The following ETNK1 variants were observed in gnomAD, a reference collection of about 807,000 sequenced individuals.
ETNK1 encodes the protein ethanolamine kinase 1, also known as putative protein product of Nbla10396.
ETNK1 carries 8 observed loss-of-function variants against 45.1 expected under a neutral mutation model. The observed-to-expected ratio is 0.18, with a 90% confidence interval of 0.10 to 0.32. The LOEUF (loss-of-function observed/expected upper bound fraction) is 0.32, where lower values mean the gene tolerates loss of function less well. Among genes scored for constraint, ETNK1 ranks in the 10% least tolerant of loss-of-function variants. The pLI, the probability that ETNK1 is intolerant of heterozygous loss-of-function variation, is 1.00. For synonymous variants in ETNK1, 152 were observed against 151.9 expected, an observed-to-expected ratio of 1.00 and a Z score of -0.01; for missense variants, 302 against 430.6, an observed-to-expected ratio of 0.70 and a Z score of 2.64.
At chr12:22,635,749 AT>A (rs1483129708) in intron 1 of ETNK1, among the ~76,000 whole-genome samples, 2 of 152,048 alleles carry the variant, frequency 1.3e-5, no homozygotes, top group Non-Finnish European at 2.9e-5. Context: ...AACCGGTTTT[AT>A]TTGGTGTGTG....
At chr12:22,639,595 T>C (rs1953708134) in intron 1 of ETNK1, among the ~76,000 whole-genome samples, 1 of 151,972 alleles carries the variant, frequency 6.6e-6, no homozygotes, top group African/African-American at 2.4e-5. Flanking sequence ...GAGAGTCACT[T>C]GAACCTGGGG....
chr12:22,652,549 A>G (rs146327753), intron 2 of ETNK1, among the ~76,000 whole-genome samples: 394 of 152,270 alleles, frequency 2.6e-3, no homozygotes, highest in Non-Finnish European at 4.6e-3. Context: ...ATTCTAATGG[A>G]TATGAGGTGG....
rs181367012 is a variant in ETNK1, at chr12:22,684,981, G to C, written c.*27G>C. ...GAAGAGATTTAATTATTCTCCAGTA[G>C]CTGAGCAATGCTTGTGAATCTTTTC... On this transcript the variant is annotated 3_prime_UTR_variant, in exon 8 of 8. Transcript: ENST00000266517. The C allele has an allele frequency of 5.5e-5, 80 of 1,457,780 alleles. No individual in the cohort carries two copies. The highest frequency in any genetic ancestry group is 2.7e-4 in the Admixed American group (13 of 47,310). 90.3% of individuals were successfully genotyped at this position (1,457,780 alleles called of 1,614,324 possible).
At position 22,671,493 on chromosome 12, in the gene ETNK1, A is replaced by C. The variant is rs556034827; in HGVS notation, c.784+138A>C. ...TGACCGTTTTTCTTTGCTTTTGTTTATCACTGGAAGAAAGCAGAGATGACC... is the reference window on the plus strand; with the variant it reads ...TGACCGTTTTTCTTTGCTTTTGTTTCTCACTGGAAGAAAGCAGAGATGACC... On this transcript the variant is annotated intron_variant, in intron 5 of 7. Transcript: ENST00000266517. 256 of 664,564 alleles carry C rather than the reference A, an allele frequency of 3.9e-4. 2 individuals carry two copies. In the African/African-American group the frequency reaches 4.3e-3, roughly 11 times the overall value. The allele number at this position is 664,564 out of a possible 1,614,324, so 41.2% of individuals were successfully genotyped here.
intron 5 of ETNK1, among the ~76,000 whole-genome samples, chr12:22,673,044 C>G (rs1402731253): frequency 6.6e-6 from 1 of 151,898 alleles, no homozygotes; most frequent in African/African-American, 2.4e-5. Flanking sequence ...TGCAGTGAGC[C>G]GAAATCATGC....
At chr12:22,672,585 C>T (rs1280604034) in intron 5 of ETNK1, among the ~76,000 whole-genome samples, 1 of 151,994 alleles carries the variant, frequency 6.6e-6, no homozygotes, top group African/African-American at 2.4e-5. Flanking sequence ...CGGCCACTGC[C>T]GTGGATATGA....
intron 2 of ETNK1, 76 bp from the exon 3 acceptor site, chr12:22,658,938 A>G (rs2137554463): frequency 6.8e-7 from 1 of 1,465,374 alleles, no homozygotes; most frequent in Non-Finnish European, 9.2e-7. Flanking sequence ...CTAAAGTTTC[A>G]TCAAGAATCT....
At chr12:22,649,890 A>G (rs959225045) in intron 2 of ETNK1, among the ~76,000 whole-genome samples, 44 of 152,102 alleles carry the variant, frequency 2.9e-4, no homozygotes, top group African/African-American at 1.1e-3. Context: ...TGTATATCAA[A>G]TTGGGAAGAA....
intron 4 of ETNK1, among the ~76,000 whole-genome samples, chr12:22,662,586 T>C (rs963648644): frequency 2.0e-5 from 3 of 151,864 alleles, no homozygotes; most frequent in African/African-American, 7.3e-5. Flanking sequence ...TTTGTGGAGA[T>C]GGAATCTTGC....
At chr12:22,638,839 T>C (rs578196492) in intron 1 of ETNK1, 2 of 152,182 alleles carry the variant, frequency 1.3e-5, no homozygotes, top group African/African-American at 2.4e-5. Context: ...TTAACCCCTT[T>C]AAAGTATTTT....
At chr12:22,635,497 G>A (rs1227073340) in intron 1 of ETNK1, among the ~76,000 whole-genome samples, 2 of 152,196 alleles carry the variant, frequency 1.3e-5, no homozygotes, top group Non-Finnish European at 1.5e-5. Flanking sequence ...TGGTGACTAT[G>A]ATACCAAGAT....
intron 4 of ETNK1, among the ~76,000 whole-genome samples, chr12:22,662,461 C>T (rs941658948): frequency 6.8e-5 from 10 of 146,448 alleles, no homozygotes; most frequent in African/African-American, 2.0e-4. Context: ...GTGGTGTAAT[C>T]ATGGCTCACT....
At chr12:22,659,190 ATTGCT>A in intron 3 of ETNK1, 36 bp downstream of exon 3, 1 of 1,585,432 alleles carries the variant, frequency 6.3e-7, no homozygotes, top group Non-Finnish European at 8.6e-7. Flanking sequence ...TATGTTTTAC[ATTGCT>A]TTGCTCTATG....
At chr12:22,677,407 CT>C (rs1209216332) in intron 6 of ETNK1, among the ~76,000 whole-genome samples, 3 of 152,196 alleles carry the variant, frequency 2.0e-5, no homozygotes, top group Admixed American at 6.5e-5. Flanking sequence ...GTTTTGATTA[CT>C]GTAGCCTTGT....
chr12:22,648,829 A>G (rs1171376852), intron 2 of ETNK1, among the ~76,000 whole-genome samples: 1 of 152,082 alleles, frequency 6.6e-6, no homozygotes, highest in Non-Finnish European at 1.5e-5. Context: ...GCTATTTTAC[A>G]TTTCCACTAG....
rs1400264466 is a variant in ETNK1, at chr12:22,687,221, G to A, written c.*2267G>A. ...CTCCTACTTCCTGTATAGGTTTTTG[G>A]GATCATGGTGCAGGCTAGTAATAGG... is the stretch of plus-strand genomic sequence containing the variant. On this transcript the variant is annotated 3_prime_UTR_variant, in exon 8 of 8. Transcript: ENST00000266517. 3 of 151,978 alleles carry A rather than the reference G, an allele frequency of 2.0e-5. No individual in the cohort carries two copies. The highest frequency in any genetic ancestry group is 3.0e-5 in the Non-Finnish European group (2 of 67,724). 9.4% of individuals were successfully genotyped at this position (151,978 alleles called of 1,614,324 possible). A position where few individuals can be genotyped will look rare whatever the true frequency, so the allele number is the denominator to read the frequency against.
At chr12:22,684,201 T>C (rs2137580356) in intron 6 of ETNK1, among the ~76,000 whole-genome samples, 1 of 152,264 alleles carries the variant, frequency 6.6e-6, no homozygotes, top group South Asian at 2.1e-4. Flanking sequence ...TCAGTGCTGA[T>C]GGTAAACTTT....
At chr12:22,665,799 A>G (rs1056520563) in intron 4 of ETNK1, among the ~76,000 whole-genome samples, 34 of 152,110 alleles carry the variant, frequency 2.2e-4, no homozygotes, top group African/African-American at 7.7e-4. Flanking sequence ...AATGGTTACT[A>G]TAGGCTAGAT....
chr12:22,687,272 C>T lies in ETNK1; in HGVS notation c.*2318C>T, dbSNP rs544110802. 3 of 152,250 alleles carry T rather than the reference C, an allele frequency of 2.0e-5. No homozygotes were observed. Among genetic ancestry groups the T allele is most frequent in the Non-Finnish European group, 3.0e-5 (2 of 67,760 alleles). 9.4% of individuals were successfully genotyped at this position (152,250 alleles called of 1,614,324 possible). A position where few individuals can be genotyped will look rare whatever the true frequency, so the allele number is the denominator to read the frequency against. ...ATTCAGAATTGCTTCCCTTTTATAT[C>T]GACCATGTAAGGGATTCTAAAGGAG... On this transcript the variant is annotated 3_prime_UTR_variant, in exon 8 of 8. Coordinates refer to ENST00000266517, the MANE Select transcript of ETNK1 (RefSeq NM_018638.5).
Sources: gnomAD v4.1 joint callset for allele counts (sites outside exome capture counted in the v4.1 genomes callset) on GRCh38, gnomAD v4.1.1 for gene constraint, MANE v1.5 for transcripts, NCBI Gene and HGNC (gene_info 2026-07-23, HGNC 2026-07-21) for gene names.